BLTP3A: variants seen among roughly 807,000 people sequenced by gnomAD.
BLTP3A encodes bridge-like lipid transfer protein family member 3A, also known as ICBP90 binding protein 1.
the BLTP3A span, among the ~76,000 whole-genome samples, chr6:34,869,677 G>C: frequency 3.5e-5 from 4 of 114,258 alleles, no homozygotes; most frequent in Non-Finnish European, 5.0e-5. Flanking sequence ...TTGAGGCAGA[G>C]TCTTGCTGGG....
chr6:34,877,488 AAAC>A, the BLTP3A span: 1 of 152,636 alleles, frequency 6.6e-6, no homozygotes, highest in African/African-American at 2.4e-5. Context: ...CCACCTGAAA[AAAC>A]AAATTAAATG....
chr6:34,813,011 A>G, the BLTP3A span, among the ~76,000 whole-genome samples: 2 of 152,244 alleles, frequency 1.3e-5, no homozygotes, highest in African/African-American at 4.8e-5. Context: ...TTAGAAGCCA[A>G]GGCTCTGGCT....
the BLTP3A span, among the ~76,000 whole-genome samples, chr6:34,792,771 G>C: frequency 6.6e-6 from 1 of 152,094 alleles, no homozygotes; most frequent in Non-Finnish European, 1.5e-5. Context: ...TCCTCTCCCA[G>C]ATCCTATGCC....
chr6:34,855,608 A>T, the BLTP3A span: 2 of 1,612,660 alleles, frequency 1.2e-6, no homozygotes, highest in Non-Finnish European at 1.7e-6. Context: ...CTGTATTTTT[A>T]TTTTATAGGT....
At chr6:34,797,109 A>G in the BLTP3A span, among the ~76,000 whole-genome samples, 1 of 152,222 alleles carries the variant, frequency 6.6e-6, no homozygotes, top group African/African-American at 2.4e-5. Flanking sequence ...AGTGCCTGAC[A>G]TATAAATAGA....
chr6:34,861,201 C>T, the BLTP3A span, among the ~76,000 whole-genome samples: 1 of 152,016 alleles, frequency 6.6e-6, no homozygotes, highest in East Asian at 1.9e-4. Flanking sequence ...TCTCTGCTCA[C>T]TGCAGCCTCG....
the BLTP3A span, among the ~76,000 whole-genome samples, chr6:34,837,577 C>T: frequency 3.3e-5 from 5 of 152,030 alleles, no homozygotes; most frequent in East Asian, 9.7e-4. Context: ...ACTCAGGAGG[C>T]TAAGGTGGGA....
the BLTP3A span, among the ~76,000 whole-genome samples, chr6:34,792,814 C>T: frequency 6.6e-6 from 1 of 152,190 alleles, no homozygotes; most frequent in African/African-American, 2.4e-5. Context: ...GCTACCAGTC[C>T]TGCTAAGCCA....
At chr6:34,792,425 T>G in the BLTP3A span, 1 of 933,514 alleles carries the variant, frequency 1.1e-6, no homozygotes, top group Non-Finnish European at 1.5e-6. Flanking sequence ...TGGCAGCCCC[T>G]GCCTAACTCG....
the BLTP3A span, chr6:34,821,428 C>CCCCGTA: frequency 5.1e-6 from 2 of 388,528 alleles, no homozygotes; most frequent in Non-Finnish European, 9.3e-6. Context: ...ATGGTGTGGT[C>CCCCGTA]TGAGTGCATT....
the BLTP3A span, among the ~76,000 whole-genome samples, chr6:34,805,592 CAAAAAAAAAAA>C: frequency 1.0e-5 from 1 of 96,120 alleles, no homozygotes; most frequent in African/African-American, 3.6e-5. Context: ...GACTTGGTCT[CAAAAAAAAAAA>C]AAAAAAAAGA....
At chr6:34,795,387 A>C in the BLTP3A span, among the ~76,000 whole-genome samples, 1 of 148,940 alleles carries the variant, frequency 6.7e-6, no homozygotes, top group Non-Finnish European at 1.5e-5. Context: ...CTGAACATAC[A>C]GTTTTTTTTG....
chr6:34,792,257 G>T, the BLTP3A span: 1 of 1,541,430 alleles, frequency 6.5e-7, no homozygotes, highest in East Asian at 2.5e-5. Context: ...CGGCATGGCC[G>T]GGATCATTAA....
At chr6:34,854,267 GA>G in the BLTP3A span, among the ~76,000 whole-genome samples, 1 of 151,408 alleles carries the variant, frequency 6.6e-6, no homozygotes, top group African/African-American at 2.4e-5. Context: ...TTCATTTGTG[GA>G]AAAAAAATTG....
At chr6:34,821,543 C>A in the BLTP3A span, 17 of 1,100,016 alleles carry the variant, frequency 1.5e-5, no homozygotes, top group Middle Eastern at 4.6e-4. Flanking sequence ...CTAGCCTTAA[C>A]AAATGTTCTT....
At chr6:34,827,279 C>G in the BLTP3A span, among the ~76,000 whole-genome samples, 1 of 151,736 alleles carries the variant, frequency 6.6e-6, no homozygotes, top group African/African-American at 2.4e-5. Flanking sequence ...CCACTGCACT[C>G]CAGCCTGGTG....
At chr6:34,808,983 A>G in the BLTP3A span, among the ~76,000 whole-genome samples, 9 of 152,238 alleles carry the variant, frequency 5.9e-5, no homozygotes, top group Non-Finnish European at 1.3e-4. Flanking sequence ...ACATTTAAGA[A>G]ATACTTAATA....
chr6:34,839,766 G>A, the BLTP3A span, among the ~76,000 whole-genome samples: 2 of 152,234 alleles, frequency 1.3e-5, no homozygotes, highest in African/African-American at 4.8e-5. Flanking sequence ...AAAGCTGCGC[G>A]GGTGGCTCTC....
the BLTP3A span, among the ~76,000 whole-genome samples, chr6:34,823,543 T>TA: frequency 6.6e-6 from 1 of 151,108 alleles, no homozygotes; most frequent in South Asian, 2.1e-4. Context: ...TCTTCTGTTT[T>TA]TTTTTTTTTT....
Sources: gnomAD v4.1 joint callset for allele counts (sites outside exome capture counted in the v4.1 genomes callset) on GRCh38, gnomAD v4.1.1 for gene constraint, MANE v1.5 for transcripts, NCBI Gene and HGNC (gene_info 2026-07-23, HGNC 2026-07-21) for gene names.